PRTG: variants seen among roughly 807,000 people sequenced by gnomAD.
PRTG encodes the protein immunoglobulin superfamily, DCC subclass, member 5.
A neutral mutation model predicts 122.5 loss-of-function variants in PRTG; 67 were observed. The ratio of observed to expected loss-of-function variants is 0.55; its 90% confidence interval spans 0.45 to 0.67. The LOEUF (loss-of-function observed/expected upper bound fraction) is 0.67. Ranked by LOEUF, PRTG falls within the 30% of genes least tolerant of loss-of-function variation. PRTG has a pLI of 0.00. For missense variants in PRTG, 1,435 were observed against 1,415.4 expected, an observed-to-expected ratio of 1.01 and a Z score of -0.22; for synonymous variants, 554 against 501.1, an observed-to-expected ratio of 1.11 and a Z score of -1.41.
rs542734086 is a variant in PRTG at position 55,713,160 on chromosome 15, G to A, written c.397+27222C>T. Among the ~76,000 whole-genome samples, 9 of 152,124 alleles carry A rather than the reference G, an allele frequency of 5.9e-5. No homozygotes were observed. The South Asian group carries it at 1.9e-3, about 32-fold the overall frequency. The stretch of plus-strand genomic sequence containing the variant: ...TGTTTATAATTATAAGAACTATTTT[G>A]TACTTTTAGTAATACCTATGTATTC... On this transcript the variant is annotated intron_variant, in intron 2 of 19. Coordinates refer to ENST00000389286, the MANE Select transcript of PRTG (RefSeq NM_173814.6).
chr15:55,621,698 A>G (rs2059167344), intron 18 of PRTG, among the ~76,000 whole-genome samples: 1 of 152,188 alleles, frequency 6.6e-6, no homozygotes, highest in South Asian at 2.1e-4. Flanking sequence ...AGTACAACAT[A>G]GTCAAGGTAT....
At chr15:55,646,202 C>T (rs1433616395) in intron 11 of PRTG, among the ~76,000 whole-genome samples, 4 of 143,004 alleles carry the variant, frequency 2.8e-5, no homozygotes, top group Non-Finnish European at 6.1e-5. Context: ...TTAGTACAGA[C>T]GGGGTTTCAC....
At chr15:55,629,303 T>G (rs55974808) in intron 15 of PRTG, among the ~76,000 whole-genome samples, 7 of 151,854 alleles carry the variant, frequency 4.6e-5, no homozygotes, top group African/African-American at 1.7e-4. Context: ...TATAATCCTT[T>G]TCTGTAATTC....
chr15:55,740,434 T>C lies in PRTG; in HGVS notation c.345A>G (p.Ala115=). The change falls in exon 2 of 20, where the codon GCA becomes GCG. Residue 115 remains alanine (A), a synonymous_variant. Transcript: ENST00000389286. ...QSDEGFYQCL[A]MNKYGAILSQ... Reference sequence around the variant, plus strand: ...TAAGAATGGCTCCATATTTGTTCATTGCCAAGCACTGATAAAATCCTTCAT... The same window carrying C: ...TAAGAATGGCTCCATATTTGTTCATCGCCAAGCACTGATAAAATCCTTCAT... 5 of 1,613,588 alleles carry C rather than the reference T, an allele frequency of 3.1e-6. No individual in the cohort carries two copies. Among genetic ancestry groups the C allele is most frequent in the Non-Finnish European group, 2.5e-6 (3 of 1,179,800 alleles).
At chr15:55,738,021 TATATACACACACACAC>T (rs1258369010) in intron 2 of PRTG, among the ~76,000 whole-genome samples, 1 of 102,908 alleles carries the variant, frequency 9.7e-6, no homozygotes, top group African/African-American at 3.6e-5. Flanking sequence ...TATATATATA[TATATACACACACACAC>T]ACACACACAC....
At chr15:55,638,719 T>A in intron 13 of PRTG, 43 bp from the exon 14 acceptor site, 3 of 1,561,938 alleles carry the variant, frequency 1.9e-6, no homozygotes, top group Non-Finnish European at 2.6e-6. Context: ...GGTAGTATAA[T>A]ATTGTTTGTA....
chr15:55,742,628 G>A (rs981863626), intron 1 of PRTG: 25 of 576,638 alleles, frequency 4.3e-5, no homozygotes, highest in East Asian at 6.9e-5. Context: ...CCGCAGCCCT[G>A]CCCAAGCAGC....
chr15:55,641,155 C>T lies in PRTG; in HGVS notation c.2095G>A (p.Gly699Ser). ...RLLAYNNIDD[G>S]YQADQTVSTP... is the part of the protein sequence containing the mutation. ...CTGACAGTCTGATCTGCCTGATAGC[C>T]ATCGTCTATGTTGTTGTAAGCCAGG... is the stretch of plus-strand genomic sequence containing the variant. The change falls in exon 12 of 20, where the codon GGC becomes AGC. Residue 699 changes from glycine (G) to serine (S), a missense_variant. By Grantham distance (56) the Gly-to-Ser change is moderately conservative (BLOSUM62 0). Transcript: ENST00000389286. 6.2e-7 allele frequency: 1 copy of T among 1,614,012 alleles called. No individual in the cohort carries two copies. Among genetic ancestry groups the T allele is most frequent in the Non-Finnish European group, 8.5e-7 (1 of 1,179,938 alleles).
At position 55,677,860 on chromosome 15, in the gene PRTG, C is replaced by A. The variant is rs1462629497; in HGVS notation, c.1318G>T (p.Glu440Ter). 3 of 1,613,658 alleles carry A rather than the reference C, an allele frequency of 1.9e-6. No individual in the cohort carries two copies. The highest frequency in any genetic ancestry group is 2.5e-6 in the Non-Finnish European group (3 of 1,179,792). ...MSSSAILLAWERPLYNSDKVI... is the reference protein window; with the variant it reads ...MSSSAILLAW ...TTGTCTGAATTATAAAGTGGCCTCT[C>A]CCAGGCTAAAAGAATGGCTGAGCTT... Residue 440 changes from glutamate to a stop codon, truncating the protein, a stop_gained, in exon 8 of 20, where the codon GAG becomes TAG. Coordinates refer to ENST00000389286, the MANE Select transcript of PRTG (RefSeq NM_173814.6). LOFTEE classifies it high-confidence loss of function.
rs898120971 is a variant in PRTG, at chr15:55,706,155, C to T, written c.398-22224G>A. Among the ~76,000 whole-genome samples the T allele has an allele frequency of 1.4e-4, 21 of 151,576 alleles. 1 individual carries two copies. Among genetic ancestry groups the T allele is most frequent in the Admixed American group, 6.6e-5 (1 of 15,196 alleles). ...GATTACAGGCGTGAGCCACTGCACC[C>T]GACCTCTACTTACTATTCTTTACAA... On this transcript the variant is annotated intron_variant, in intron 2 of 19. Coordinates refer to ENST00000389286, the MANE Select transcript of PRTG (RefSeq NM_173814.6).
Position 55,618,413 on chromosome 15 carries a change from C to T in PRTG, c.*1599G>A, listed in dbSNP as rs1595596075. The T allele has an allele frequency of 6.6e-6, 1 of 152,086 alleles. No homozygotes were observed. Among genetic ancestry groups the T allele is most frequent in the African/African-American group, 2.4e-5 (1 of 41,418 alleles). 9.4% of individuals were successfully genotyped at this position (152,086 alleles called of 1,614,324 possible). A position where few individuals can be genotyped will look rare whatever the true frequency, so the allele number is the denominator to read the frequency against. ...TTAAAATGAGAATCAAAAGTCACTT[C>T]CAGAAAATTTGAAAAAATACTTTTA... On this transcript the variant is annotated 3_prime_UTR_variant, in exon 20 of 20. Transcript: ENST00000389286.
intron 2 of PRTG, among the ~76,000 whole-genome samples, chr15:55,707,229 C>T (rs2030166675): frequency 6.6e-6 from 1 of 152,138 alleles, no homozygotes; most frequent in South Asian, 2.1e-4. Flanking sequence ...ACTTCCCTGC[C>T]TATACAAAGG....
intron 2 of PRTG, among the ~76,000 whole-genome samples, chr15:55,715,387 T>C (rs1320046612): frequency 5.9e-5 from 9 of 152,232 alleles, no homozygotes; most frequent in Non-Finnish European, 1.2e-4. Context: ...TCATTGATTC[T>C]ATAAACAGAG....
intron 2 of PRTG, among the ~76,000 whole-genome samples, chr15:55,718,710 C>T (rs1291159883): frequency 2.0e-5 from 3 of 150,976 alleles, no homozygotes; most frequent in African/African-American, 7.3e-5. Flanking sequence ...TTATGGATGT[C>T]ATGTTTATGA....
rs976063925 is a variant in PRTG at position 55,620,106 on chromosome 15, C to T, written c.3359G>A (p.Ser1120Asn). Residue 1120 changes from serine (S) to asparagine (N), a missense_variant, in exon 20 of 20, where the codon AGC becomes AAC. Ser to Asn is a conservative substitution (Grantham distance 46). Coordinates refer to ENST00000389286, the MANE Select transcript of PRTG (RefSeq NM_173814.6). ...CCGCCCAGAATCCCCAGTCTCATGG[C>T]TGCCTTCACTATTTGCTGAATGTTC... Reference protein sequence around the residue: ...DTEHSANSEGSHETGDSGRFS... With the variant: ...DTEHSANSEGNHETGDSGRFS... The T allele has an allele frequency of 1.2e-6, 2 of 1,614,188 alleles. No homozygotes were observed. The highest frequency in any genetic ancestry group is 1.7e-6 in the Non-Finnish European group (2 of 1,180,036).
At chr15:55,734,824 ACGCCT>A (rs2031358875) in intron 2 of PRTG, among the ~76,000 whole-genome samples, 1 of 152,164 alleles carries the variant, frequency 6.6e-6, no homozygotes. Flanking sequence ...TGTGAGGATG[ACGCCT>A]TTATCCTCTG....
chr15:55,687,817 A>C (rs1259449913), intron 2 of PRTG, among the ~76,000 whole-genome samples: 1 of 152,214 alleles, frequency 6.6e-6, no homozygotes, highest in Admixed American at 6.5e-5. Context: ...TCGTGGAGAA[A>C]ATACCAAGCC....
chr15:55,732,736 C>T (rs531666434), intron 2 of PRTG, among the ~76,000 whole-genome samples: 22 of 152,068 alleles, frequency 1.4e-4, no homozygotes, highest in Admixed American at 1.3e-3. Flanking sequence ...TCAGGTGATC[C>T]GCCGGCCCTG....
intron 11 of PRTG, among the ~76,000 whole-genome samples, chr15:55,657,752 A>G (rs1304991907): frequency 6.6e-6 from 1 of 152,212 alleles, no homozygotes; most frequent in Non-Finnish European, 1.5e-5. Flanking sequence ...ACCATATGGC[A>G]TGCAATAAAG....
Sources: allele counts gnomAD v4.1 joint callset (sites outside exome capture counted in the v4.1 genomes callset), GRCh38; gene constraint gnomAD v4.1.1; transcripts MANE v1.5; gene names NCBI Gene and HGNC (gene_info 2026-07-23, HGNC 2026-07-21).